FTCDNL1: variants seen among roughly 807,000 people sequenced by gnomAD.
FTCDNL1 encodes the protein formiminotransferase N-terminal subdomain-containing protein.
A neutral mutation model predicts 5.9 loss-of-function variants in FTCDNL1; 11 were observed. The ratio of observed to expected loss-of-function variants is 1.87; its 90% CI spans 1.18 to 3.10. FTCDNL1 has a LOEUF of 3.10. Among genes scored for constraint, FTCDNL1 ranks in the 30% most tolerant of loss-of-function variants. The probability of loss-of-function intolerance (pLI) is 0.00; values close to 1 mark genes in which losing one functional copy is unlikely to be tolerated. For synonymous variants in FTCDNL1, 58 were observed against 24.8 expected (o/e 2.34, Z -3.99); for missense variants, 115 against 65.5 (o/e 1.76, Z -2.61).
the FTCDNL1 span, among the ~76,000 whole-genome samples, chr2:199,682,709 G>A: frequency 3.9e-5 from 6 of 152,150 alleles, no homozygotes; most frequent in African/African-American, 1.2e-4. Context: ...GGAAGGTATT[G>A]TTTAATTGAG....
chr2:199,712,091 G>A, the FTCDNL1 span, among the ~76,000 whole-genome samples: 2 of 152,038 alleles, frequency 1.3e-5, no homozygotes, highest in Non-Finnish European at 2.9e-5. Flanking sequence ...TACTCTGAAT[G>A]CACGTATTGG....
chr2:199,769,179 C>T lies in FTCDNL1; in HGVS notation c.212-8344G>A, dbSNP rs1298089194. ...TTGCTTCTTCAGACCCATTTTTCATCCTTTCCCACAGGTGCTGACCTTCAC... is the reference window on the plus strand; with the variant it reads ...TTGCTTCTTCAGACCCATTTTTCATTCTTTCCCACAGGTGCTGACCTTCAC... On this transcript the variant is annotated intron_variant, in intron 3 of 3. Transcript: ENST00000416668. 3.3e-5 allele frequency among the ~76,000 whole-genome samples: 5 copies of T among 152,116 alleles called. 1 individual carries two copies. Among genetic ancestry groups the T allele is most frequent in the African/African-American group, 1.2e-4 (5 of 41,414 alleles).
At chr2:199,807,862 T>C (rs1025327973), downstream of FTCDNL1, among the ~76,000 whole-genome samples, 9 of 152,180 alleles carry the variant, frequency 5.9e-5, no homozygotes, top group African/African-American at 2.2e-4. Context: ...TTAGAACATA[T>C]GGATGATCTG....
chr2:199,775,051 A>G (rs1178658837), intron 3 of FTCDNL1, among the ~76,000 whole-genome samples: 4 of 152,208 alleles, frequency 2.6e-5, no homozygotes, highest in Non-Finnish European at 5.9e-5. Context: ...AGTGCTATAG[A>G]ATGCCAGGGA....
chr2:199,844,517 GC>G, intron 3 of FTCDNL1: 1 of 630,872 alleles, frequency 1.6e-6, no homozygotes, highest in Non-Finnish European at 2.9e-6. Flanking sequence ...TAGGCAGGCA[GC>G]CAGAACAGAA....
chr2:199,707,620 G>A, the FTCDNL1 span, among the ~76,000 whole-genome samples: 127 of 149,902 alleles, frequency 8.5e-4, no homozygotes, highest in African/African-American at 2.8e-3. Flanking sequence ...CCTCTTTAAC[G>A]TATCTCGTAG....
At chr2:199,746,416 T>C in the FTCDNL1 span, among the ~76,000 whole-genome samples, 1 of 152,082 alleles carries the variant, frequency 6.6e-6, no homozygotes, top group Non-Finnish European at 1.5e-5. Flanking sequence ...CTTAGACTTG[T>C]TGTATAGAGT....
chr2:199,831,488 T>G (rs538080176), intron 3 of FTCDNL1, among the ~76,000 whole-genome samples: 1 of 152,288 alleles, frequency 6.6e-6, no homozygotes, highest in South Asian at 2.1e-4. Flanking sequence ...ATAAAGCAGG[T>G]AGAATGAAAT....
chr2:199,717,418 T>G, the FTCDNL1 span, among the ~76,000 whole-genome samples: 1 of 151,976 alleles, frequency 6.6e-6, no homozygotes, highest in Non-Finnish European at 1.5e-5. Flanking sequence ...TCCTTATGTT[T>G]CTTTGTTGTT....
intron 3 of FTCDNL1, among the ~76,000 whole-genome samples, chr2:199,802,498 G>C (rs1009631173): frequency 6.6e-6 from 1 of 152,198 alleles, no homozygotes; most frequent in African/African-American, 2.4e-5. Context: ...GACTCTGCAT[G>C]GTTAGCCAGC....
At chr2:199,780,533 T>C in intron 3 of FTCDNL1, among the ~76,000 whole-genome samples, 1 of 152,288 alleles carries the variant, frequency 6.6e-6, no homozygotes, top group South Asian at 2.1e-4. Flanking sequence ...GAGGGATGAA[T>C]TGCCATGCTT....
the FTCDNL1 span, among the ~76,000 whole-genome samples, chr2:199,683,920 G>T: frequency 6.6e-6 from 1 of 152,226 alleles, no homozygotes; most frequent in African/African-American, 2.4e-5. Context: ...CTCAGTTTGT[G>T]CATTCATTAA....
intron 3 of FTCDNL1, among the ~76,000 whole-genome samples, chr2:199,839,006 A>G (rs952517542): frequency 6.6e-6 from 1 of 152,178 alleles, no homozygotes; most frequent in African/African-American, 2.4e-5. Flanking sequence ...GACCAAAAAA[A>G]TACTGAAGTA....
chr2:199,747,856 AG>A, the FTCDNL1 span, among the ~76,000 whole-genome samples: 3 of 152,198 alleles, frequency 2.0e-5, no homozygotes, highest in Admixed American at 6.5e-5. Context: ...CATCAACATG[AG>A]TACACTCAGT....
the FTCDNL1 span, among the ~76,000 whole-genome samples, chr2:199,698,981 A>G: frequency 2.6e-5 from 4 of 152,232 alleles, no homozygotes; most frequent in African/African-American, 4.8e-5. Context: ...GGAGACTATT[A>G]AGAACAATTC....
At chr2:199,747,649 C>G in the FTCDNL1 span, among the ~76,000 whole-genome samples, 1 of 151,900 alleles carries the variant, frequency 6.6e-6, no homozygotes, top group Admixed American at 6.6e-5. Context: ...CCCTTTTCCC[C>G]GGAGGCCAGC....
At chr2:199,758,499 T>C (rs1024711744), downstream of FTCDNL1, among the ~76,000 whole-genome samples, 2 of 150,950 alleles carry the variant, frequency 1.3e-5, no homozygotes, top group Non-Finnish European at 3.0e-5. Flanking sequence ...TCATACTTCA[T>C]ACACTGCTGG....
intron 1 of FTCDNL1, among the ~76,000 whole-genome samples, chr2:199,849,688 T>G (rs1052183855): frequency 6.6e-6 from 1 of 152,230 alleles, no homozygotes; most frequent in Admixed American, 6.5e-5. Context: ...TTGATACTTT[T>G]TAGTACTCTA....
intron 3 of FTCDNL1, among the ~76,000 whole-genome samples, chr2:199,803,187 G>A (rs1232957092): frequency 1.3e-4 from 11 of 83,342 alleles, no homozygotes; most frequent in Middle Eastern, 9.3e-3. Context: ...GAGGAATACC[G>A]TCTCAAAAAA....
Sources: gnomAD v4.1 joint callset for allele counts (sites outside exome capture counted in the v4.1 genomes callset) on GRCh38, gnomAD v4.1.1 for gene constraint, MANE v1.5 for transcripts, NCBI Gene and HGNC (gene_info 2026-07-23, HGNC 2026-07-21) for gene names.